The following GPHN variants were observed in gnomAD, a reference collection of about 807,000 sequenced individuals.
The protein encoded by GPHN is gephyrin.
GPHN carries 17 observed loss-of-function variants against 95.5 expected under a neutral mutation model. The observed-to-expected ratio is 0.18, with a 90% confidence interval of 0.12 to 0.27. The LOEUF is 0.27. Ranked by LOEUF, GPHN falls within the 10% of genes least tolerant of loss-of-function variation. The pLI, the probability that GPHN is intolerant of heterozygous loss-of-function variation, is 1.00. For missense variants in GPHN, 660 were observed against 978.1 expected (o/e 0.67, Z 4.34); for synonymous variants, 320 against 322.5 (o/e 0.99, Z 0.08).
the GPHN span, among the ~76,000 whole-genome samples, chr14:67,608,455 T>C: frequency 2.6e-5 from 4 of 152,158 alleles, no homozygotes; most frequent in East Asian, 7.7e-4. Flanking sequence ...CTTAAGCGTC[T>C]GTAGATTTTG....
At chr14:66,755,953 A>G (rs1400882670) in intron 2 of GPHN, among the ~76,000 whole-genome samples, 1 of 152,192 alleles carries the variant, frequency 6.6e-6, no homozygotes, top group Admixed American at 6.5e-5. Context: ...CTCCTTGCCA[A>G]CTTATCACAT....
chr14:67,641,482 C>T, the GPHN span, among the ~76,000 whole-genome samples: 1 of 152,172 alleles, frequency 6.6e-6, no homozygotes, highest in Non-Finnish European at 1.5e-5. Flanking sequence ...TTTCCTCATC[C>T]ACCAAATAGG....
chr14:67,235,008 T>G, the GPHN span, among the ~76,000 whole-genome samples: 2 of 151,770 alleles, frequency 1.3e-5, no homozygotes, highest in Non-Finnish European at 2.9e-5. Context: ...GTACAAAAAT[T>G]TGCTGAGCAT....
intron 4 of GPHN, among the ~76,000 whole-genome samples, chr14:66,873,836 A>G (rs2063544487): frequency 1.3e-5 from 2 of 152,140 alleles, no homozygotes; most frequent in African/African-American, 2.4e-5. Context: ...GCGCATACTT[A>G]AACTTAGTTC....
the GPHN span, among the ~76,000 whole-genome samples, chr14:67,709,098 A>T: frequency 1.3e-5 from 2 of 152,192 alleles, no homozygotes; most frequent in Non-Finnish European, 2.9e-5. Context: ...GCCCAACAAT[A>T]TCTTAAAGGA....
the GPHN span, chr14:67,647,901 C>A: frequency 6.5e-6 from 5 of 773,544 alleles, no homozygotes; most frequent in South Asian, 2.0e-5. Flanking sequence ...GAATAGGAAG[C>A]CTGGAAATGT....
At chr14:67,580,945 A>G in the GPHN span, 23 of 1,609,786 alleles carry the variant, frequency 1.4e-5, no homozygotes, top group Non-Finnish European at 2.0e-5. Context: ...AAGATCTGTG[A>G]TGCCATCTCC....
intron 2 of GPHN, among the ~76,000 whole-genome samples, chr14:66,731,880 C>T (rs1002108159): frequency 6.6e-6 from 1 of 152,144 alleles, no homozygotes; most frequent in Non-Finnish European, 1.5e-5. Context: ...GCCTTGTGTT[C>T]CAGCTGCTTC....
At chr14:66,971,229 G>C (rs2069748180) in intron 9 of GPHN, among the ~76,000 whole-genome samples, 1 of 152,196 alleles carries the variant, frequency 6.6e-6, no homozygotes, top group South Asian at 2.1e-4. Flanking sequence ...TCAGGAGGCT[G>C]AGGCAGGAGA....
the GPHN span, chr14:67,569,683 G>GA: frequency 7.1e-6 from 4 of 563,174 alleles, no homozygotes; most frequent in Admixed American, 3.0e-5. Context: ...CCTCATGGAG[G>GA]AAAAAATGGT....
At chr14:66,954,481 A>AT (rs1220876245) in intron 8 of GPHN, among the ~76,000 whole-genome samples, 81 of 152,172 alleles carry the variant, frequency 5.3e-4, no homozygotes, top group African/African-American at 1.9e-3. Context: ...TTCTTCATGT[A>AT]TTCTACAACT....
chr14:67,174,155 G>A (rs1382852695), intron 21 of GPHN, among the ~76,000 whole-genome samples: 1 of 152,202 alleles, frequency 6.6e-6, no homozygotes, highest in Non-Finnish European at 1.5e-5. Flanking sequence ...CATGTGCCAT[G>A]TTGGTTTCCT....
intron 1 of GPHN, among the ~76,000 whole-genome samples, chr14:66,557,229 ATAGG>A (rs200329130): frequency 0.054 from 7,513 of 139,226 alleles, 477 homozygotes; most frequent in East Asian, 0.28. Context: ...AGATAGATAC[ATAGG>A]TAGGTAGATA....
intron 10 of GPHN, among the ~76,000 whole-genome samples, chr14:67,046,419 T>C (rs2153639335): frequency 6.6e-6 from 1 of 152,298 alleles, no homozygotes; most frequent in Non-Finnish European, 1.5e-5. Context: ...TATTCTGATA[T>C]CTACAATATT....
chr14:67,619,909 C>A, the GPHN span: 2 of 1,041,818 alleles, frequency 1.9e-6, no homozygotes, highest in South Asian at 1.7e-5. Context: ...CAGCGGCGGG[C>A]GGTGGCGCTC....
At chr14:67,158,680 A>G (rs1243567902) in intron 18 of GPHN, among the ~76,000 whole-genome samples, 3 of 152,224 alleles carry the variant, frequency 2.0e-5, no homozygotes, top group Non-Finnish European at 4.4e-5. Flanking sequence ...CTTTCTGTCT[A>G]CAACACCAGC....
At chr14:67,319,631 T>A in the GPHN span, among the ~76,000 whole-genome samples, 4 of 148,862 alleles carry the variant, frequency 2.7e-5, no homozygotes, top group East Asian at 7.9e-4. Context: ...AAAAAAAAAT[T>A]GCAAAACAAT....
chr14:67,714,565 G>T, the GPHN span: 1 of 165,120 alleles, frequency 6.1e-6, no homozygotes, highest in South Asian at 1.5e-4. Context: ...CTAAGGGAAA[G>T]AGGAGGGACA....
intron 1 of GPHN, among the ~76,000 whole-genome samples, chr14:66,571,037 A>G (rs182067701): frequency 7.3e-4 from 111 of 152,212 alleles, no homozygotes; most frequent in Non-Finnish European, 5.1e-4. Flanking sequence ...TATGGGGTGT[A>G]TTAGTCCGTT....
Sources: allele counts gnomAD v4.1 joint callset (sites outside exome capture counted in the v4.1 genomes callset), GRCh38; gene constraint gnomAD v4.1.1; transcripts MANE v1.5; gene names NCBI Gene and HGNC (gene_info 2026-07-23, HGNC 2026-07-21).